The following ALOXE3 variants were observed in gnomAD, a reference collection of about 807,000 sequenced individuals.
The protein encoded by ALOXE3 is hydroperoxide isomerase ALOXE3.
In ALOXE3, 78 loss-of-function variants were observed where a neutral mutation model predicts 87.5. That is an observed-to-expected ratio of 0.89 (90% CI 0.74 to 1.08). The LOEUF is 1.08. ALOXE3 is among the 50% of genes least tolerant of loss of function. ALOXE3 has a pLI of 0.00. For missense variants in ALOXE3, 946 were observed against 912.4 expected (o/e 1.04, Z -0.47); for synonymous variants, 363 against 370.8 (o/e 0.98, Z 0.24).
At position 8,112,073 on chromosome 17, in the gene ALOXE3, T is replaced by C. The variant is rs763353813; in HGVS notation, c.784+20A>G. On this transcript the variant is annotated intron_variant, in intron 7 of 15. Transcript: ENST00000448843. ...TGAGATAAGGTGAGGGGTAGACATC[T>C]CCTGCCTGGCTCTGCTCACTTGTCG... The C allele has an allele frequency of 3.1e-6, 5 of 1,605,696 alleles. No individual in the cohort carries two copies. The East Asian group carries it at 8.9e-5, about 29-fold the overall frequency.
chr17:8,117,080 A>G (rs969155877), intron 2 of ALOXE3, 100 bp from the exon 3 acceptor site: 22 of 1,129,652 alleles, frequency 1.9e-5, no homozygotes, highest in Admixed American at 1.0e-4. Flanking sequence ...ATTCGGGCAT[A>G]CAAACCTGAG....
chr17:8,115,611 AGCATTCTTGTC>A lies in ALOXE3; in HGVS notation c.419_429del (p.Arg140LeufsTer41). 6.2e-7 allele frequency: 1 copy of A among 1,612,704 alleles called. No individual in the cohort carries two copies. The highest frequency in any genetic ancestry group is 8.5e-7 in the Non-Finnish European group (1 of 1,178,628). On this transcript the variant is annotated frameshift_variant, in exon 4 of 16. Transcript: ENST00000448843. LOFTEE classifies it high-confidence loss of function. ...GTCAAATTAGGCCACCCTCACCGGTAGCATTCTTGTCGGGCCCGGAGCTCCCGTGTCCTGTG... is the reference window on the plus strand; with the variant it reads ...GTCAAATTAGGCCACCCTCACCGGTAGGGCCCGGAGCTCCCGTGTCCTGTG...
chr17:8,111,241 G>C, intron 8 of ALOXE3, 118 bp downstream of exon 8: 1 of 1,269,976 alleles, frequency 7.9e-7, no homozygotes, highest in Admixed American at 1.8e-5. Context: ...CAGAGGATGA[G>C]GCCCACAGGT....
Position 8,107,900 on chromosome 17 carries a change from A to G in ALOXE3, c.1684+568T>C, listed in dbSNP as rs532651734. 2.4e-3 allele frequency among the ~76,000 whole-genome samples: 15 copies of G among 6,256 alleles called. 2 individuals are homozygous for G. The highest frequency in any genetic ancestry group is 3.6e-3 in the East Asian group (5 of 1,384). 4.1% of individuals were successfully genotyped at this position (6,256 alleles called of 152,430 possible). The stretch of plus-strand genomic sequence containing the variant: ...AAGAAAGAAAGAAAGAAAGAAAGAA[A>G]GAAAGAAAGAAAGAAAGAAAGAAAG... On this transcript the variant is annotated intron_variant, in intron 13 of 15. Transcript: ENST00000448843.
Position 8,096,168 on chromosome 17 carries a change from GC to G in ALOXE3, c.*458del. On this transcript the variant is annotated 3_prime_UTR_variant, in exon 16 of 16. Coordinates refer to ENST00000448843, the MANE Select transcript of ALOXE3 (RefSeq NM_021628.3). ...AGACCCAGGCACACAGTCCTTCTGT[GC>G]CCAGTTTCCAGGCTTTTCCAGAGAA... 5.5e-6 allele frequency: 1 copy of G among 182,950 alleles called. No individual in the cohort carries two copies. The highest frequency in any genetic ancestry group is 1.2e-5 in the Non-Finnish European group (1 of 85,886). 11.3% of individuals were successfully genotyped at this position (182,950 alleles called of 1,614,324 possible).
Position 8,110,123 on chromosome 17 carries a change from C to T in ALOXE3, c.1274G>A (p.Arg425His). 1 of 1,613,166 alleles carries T rather than the reference C, an allele frequency of 6.2e-7. No individual in the cohort carries two copies. The highest frequency in any genetic ancestry group is 1.3e-5 in the African/African-American group (1 of 74,986). ...LCEAFAMATL[R>H]QLPLCHPIYK... is the part of the protein sequence containing the mutation. ...GATGGGGTGGCAGAGCGGCAGCTGG[C>T]GCAGCGTGGCCATGGCGAAGGCCTC... Residue 425 changes from arginine to histidine, a missense_variant, in exon 10 of 16, where the codon CGC becomes CAC. Physicochemically the swap from Arg to His is conservative, Grantham distance 29. Coordinates refer to ENST00000448843, the MANE Select transcript of ALOXE3 (RefSeq NM_021628.3).
intron 15 of ALOXE3, among the ~76,000 whole-genome samples, chr17:8,097,798 A>G (rs1441897951): frequency 1.4e-5 from 2 of 142,320 alleles, no homozygotes; most frequent in Non-Finnish European, 3.0e-5. Context: ...CCCAGGTTGG[A>G]GTGCAGTGGC....
rs1711546602 is a variant in ALOXE3, at chr17:8,104,126, T to C, written c.1774A>G (p.Asn592Asp). 1.2e-6 allele frequency: 2 copies of C among 1,613,602 alleles called. No individual in the cohort carries two copies. The highest frequency in any genetic ancestry group is 1.7e-6 in the Non-Finnish European group (2 of 1,179,902). ...CTTTGTAGCCTCACCTGCCCACTGT[T>C]GACAGCAGCGTGCTGGGCAGAGCAA... ...FNCSAQHAAVNSGQHDFGAWM... is the reference protein window; with the variant it reads ...FNCSAQHAAVDSGQHDFGAWM... The change falls in exon 14 of 16, where the codon AAC becomes GAC. Residue 592 changes from asparagine (N) to aspartate (D), a missense_variant. Coordinates refer to ENST00000448843, the MANE Select transcript of ALOXE3 (RefSeq NM_021628.3).
rs1185358700 is a variant in ALOXE3 at position 8,117,961 on chromosome 17, A to C, written c.30T>G (p.Thr10=). ...GTGTGCCGGCCCTCAGGTAGGGACCAGTGGTCACACACAGGCGGTACACTG... is the reference window on the plus strand; with the variant it reads ...GTGTGCCGGCCCTCAGGTAGGGACCCGTGGTCACACACAGGCGGTACACTG... The part of the protein sequence containing the change: MAVYRLCVT[T]GPYLRAGTLD... The change falls in exon 2 of 16, where the codon ACT becomes ACG. Residue 10 remains threonine (T), a synonymous_variant. Transcript: ENST00000448843. 1.2e-6 allele frequency: 2 copies of C among 1,612,334 alleles called. No individual in the cohort carries two copies. The highest frequency in any genetic ancestry group is 1.1e-5 in the South Asian group (1 of 90,844).
At chr17:8,100,957 T>A (rs150057918) in intron 15 of ALOXE3, among the ~76,000 whole-genome samples, 82 of 152,306 alleles carry the variant, frequency 5.4e-4, no homozygotes, top group African/African-American at 1.9e-3. Context: ...AACCTCAGTT[T>A]TCTCCCCTGT....
intron 15 of ALOXE3, 25 bp from the exon 16 acceptor site, chr17:8,096,831 C>T (rs1292189659): frequency 1.2e-6 from 2 of 1,611,766 alleles, no homozygotes; most frequent in Non-Finnish European, 1.7e-6. Flanking sequence ...GGTAAGAGGT[C>T]AGGATGACAT....
At position 8,118,512 on chromosome 17, in the gene ALOXE3, T is replaced by C. The variant is rs2151849248; in HGVS notation, c.-340A>G. On this transcript the variant is annotated 5_prime_UTR_variant, in exon 1 of 16. Coordinates refer to ENST00000448843, the MANE Select transcript of ALOXE3 (RefSeq NM_021628.3). ...TGCATTCCTACGTGTGAATCATCCG[T>C]GTGAATCACTAAACAGTGGAGAGTT... 2 of 1,538,630 alleles carry C rather than the reference T, an allele frequency of 1.3e-6. No individual in the cohort carries two copies. The highest frequency in any genetic ancestry group is 4.9e-5 in the East Asian group (2 of 40,810).
chr17:8,109,180 A>G lies in ALOXE3; in HGVS notation c.1556T>C (p.Ile519Thr), dbSNP rs746406430. 12 of 1,613,226 alleles carry G rather than the reference A, an allele frequency of 7.4e-6. No homozygotes were observed. Among genetic ancestry groups the G allele is most frequent in the East Asian group, 6.7e-5 (3 of 44,814 alleles). The change falls in exon 12 of 16, where the codon ATT becomes ACT. Residue 519 changes from isoleucine to threonine, a missense_variant. Coordinates refer to ENST00000448843, the MANE Select transcript of ALOXE3 (RefSeq NM_021628.3). Reference sequence around the variant, plus strand: ...CCCGCCCCGCACCTCGCACCTCTCAATGGCCGCCCAGATCTTCAGGCCGTC... The same window carrying G: ...CCCGCCCCGCACCTCGCACCTCTCAGTGGCCGCCCAGATCTTCAGGCCGTC... ...RDDGLKIWAA[I>T]ESFVSEIVGY...
rs751223538 is a variant in ALOXE3 at position 8,116,789 on chromosome 17, C to T, written c.339G>A (p.Leu113=). Residue 113 remains leucine (L), a synonymous_variant, in exon 3 of 16, where the codon CTG becomes CTA. Transcript: ENST00000448843. The part of the protein sequence containing the change: ...QWIEGYCTVE[L]RPGTARTICQ... ...TCTCTGGCCCACCTGTTCCTGGCCTCAGCTCCACGGTGCAGTAGCCTTCAA... is the reference window on the plus strand; with the variant it reads ...TCTCTGGCCCACCTGTTCCTGGCCTTAGCTCCACGGTGCAGTAGCCTTCAA... The T allele has an allele frequency of 1.9e-6, 3 of 1,614,222 alleles. No homozygotes were observed. The highest frequency in any genetic ancestry group is 2.5e-6 in the Non-Finnish European group (3 of 1,180,044).
intron 13 of ALOXE3, among the ~76,000 whole-genome samples, chr17:8,106,466 G>T (rs1979318556): frequency 6.6e-6 from 1 of 151,636 alleles, no homozygotes; most frequent in Non-Finnish European, 1.5e-5. Context: ...AATCAATAGA[G>T]CCCAGGAGTT....
At chr17:8,096,963 T>A (rs1362857265) in intron 15 of ALOXE3, among the ~76,000 whole-genome samples, 157 bp from the exon 16 acceptor site, 1 of 152,032 alleles carries the variant, frequency 6.6e-6, no homozygotes, top group Non-Finnish European at 1.5e-5. Context: ...CACCCCATGA[T>A]CCTGACACGA....
intron 15 of ALOXE3, among the ~76,000 whole-genome samples, chr17:8,099,662 A>C (rs75556869): frequency 2.0e-5 from 3 of 146,802 alleles, no homozygotes; most frequent in Admixed American, 2.0e-4. Flanking sequence ...CTCTGTCTCA[A>C]AAAAAAAAAA....
chr17:8,109,147 C>A (rs1979772836), intron 12 of ALOXE3, 27 bp downstream of exon 12: 5 of 1,611,008 alleles, frequency 3.1e-6, no homozygotes, highest in African/African-American at 2.7e-5. Context: ...CCTGGTGGGA[C>A]TGCTGGTCCC....
rs201308859 is a variant in ALOXE3 at position 8,098,228 on chromosome 17, G to GTTT, written c.1957-1425_1957-1423dup. Among the ~76,000 whole-genome samples the GTTT allele has an allele frequency of 2.6e-3, 228 of 87,928 alleles. 2 individuals carry two copies. The highest frequency in any genetic ancestry group is 0.013 in the East Asian group (36 of 2,690). 57.7% of individuals were successfully genotyped at this position (87,928 alleles called of 152,430 possible). ...CAGTGTTTTTTGAAATATACTTTTG[G>GTTT]TTTTTGTTTTTTTTTTTTTTTTTTT... is the stretch of plus-strand genomic sequence containing the variant. On this transcript the variant is annotated intron_variant, in intron 15 of 15. Transcript: ENST00000448843.
Sources: gnomAD v4.1 joint callset for allele counts (sites outside exome capture counted in the v4.1 genomes callset) on GRCh38, gnomAD v4.1.1 for gene constraint, MANE v1.5 for transcripts, NCBI Gene and HGNC (gene_info 2026-07-23, HGNC 2026-07-21) for gene names.